The following HMGB1 variants were observed in gnomAD, a reference collection of about 807,000 sequenced individuals.
The protein encoded by HMGB1 is high mobility group protein B1.
For synonymous variants in HMGB1, 81 were observed against 84.0 expected (o/e 0.96, Z 0.19); for missense variants, 79 against 253.5 (o/e 0.31, Z 4.67).
chr13:30,472,485 C>A (rs1389105779), intron 1 of HMGB1, among the ~76,000 whole-genome samples: 2 of 152,144 alleles, frequency 1.3e-5, no homozygotes, highest in Non-Finnish European at 2.9e-5. Flanking sequence ...CCTGTACTCC[C>A]AGCTACTCCG....
intron 1 of HMGB1, among the ~76,000 whole-genome samples, chr13:30,475,131 TCTCTC>T (rs1887056249): frequency 1.5e-5 from 1 of 68,286 alleles, no homozygotes; most frequent in Non-Finnish European, 3.2e-5. Flanking sequence ...TCTCTCTCTC[TCTCTC>T]TCTTTTTTTT....
chr13:30,491,395 A>T (rs1887488342), intron 1 of HMGB1, among the ~76,000 whole-genome samples: 1 of 152,060 alleles, frequency 6.6e-6, no homozygotes, highest in Non-Finnish European at 1.5e-5. Context: ...AAAGAAACAA[A>T]CCTTGAGGCT....
chr13:30,594,114 G>A (rs1871492621), intron 1 of HMGB1, among the ~76,000 whole-genome samples: 3 of 152,130 alleles, frequency 2.0e-5, no homozygotes, highest in Non-Finnish European at 4.4e-5. Flanking sequence ...ATTTACATAC[G>A]TATCTACACA....
chr13:30,606,251 A>G (rs1950457357), intron 1 of HMGB1, among the ~76,000 whole-genome samples: 1 of 152,168 alleles, frequency 6.6e-6, no homozygotes, highest in Non-Finnish European at 1.5e-5. Flanking sequence ...ATAGTCTAAC[A>G]TTTCCCAATT....
At chr13:30,538,825 C>A (rs1204595742) in intron 1 of HMGB1, among the ~76,000 whole-genome samples, 1 of 135,096 alleles carries the variant, frequency 7.4e-6, no homozygotes, top group South Asian at 2.3e-4. Flanking sequence ...CCCTTTCTTT[C>A]TTTTTTCTTT....
intron 1 of HMGB1, among the ~76,000 whole-genome samples, chr13:30,504,436 T>C (rs1301110246): frequency 6.6e-6 from 1 of 152,230 alleles, no homozygotes; most frequent in East Asian, 1.9e-4. Flanking sequence ...TTTGGTTTTG[T>C]TTTGCTTTTT....
chr13:30,469,128 T>G (rs1026501877), upstream of HMGB1, among the ~76,000 whole-genome samples: 4 of 152,048 alleles, frequency 2.6e-5, no homozygotes, highest in Non-Finnish European at 4.4e-5. Flanking sequence ...TGACCTCAAG[T>G]GATCTGCCCG....
At chr13:30,536,496 C>A (rs1566018062) in intron 1 of HMGB1, among the ~76,000 whole-genome samples, 2 of 152,136 alleles carry the variant, frequency 1.3e-5, no homozygotes, top group South Asian at 4.1e-4. Context: ...ACTATAGGCA[C>A]ATGCCACCAC....
chr13:30,546,959 C>T (rs1471965855), intron 1 of HMGB1, among the ~76,000 whole-genome samples: 2 of 152,214 alleles, frequency 1.3e-5, no homozygotes, highest in Admixed American at 6.5e-5. Flanking sequence ...TACCACTGGT[C>T]CATGTGTCTC....
At chr13:30,558,393 T>G (rs954391303) in intron 1 of HMGB1, among the ~76,000 whole-genome samples, 1 of 152,234 alleles carries the variant, frequency 6.6e-6, no homozygotes, top group African/African-American at 2.4e-5. Flanking sequence ...TGTCTATATC[T>G]TACATCTCAT....
At chr13:30,616,808 T>C (rs1950569329) in exon 1 of HMGB1, 1 of 152,174 alleles carries the variant, frequency 6.6e-6, no homozygotes. Context: ...CACCACCCTA[T>C]CCAAATTGTC....
intron 1 of HMGB1, among the ~76,000 whole-genome samples, chr13:30,550,215 C>G (rs1869359704): frequency 6.6e-6 from 1 of 151,820 alleles, no homozygotes; most frequent in Non-Finnish European, 1.5e-5. Context: ...GCTATGACAT[C>G]CTTTTAGGAA....
chr13:30,579,917 G>C, intron 1 of HMGB1, among the ~76,000 whole-genome samples: 1 of 152,158 alleles, frequency 6.6e-6, no homozygotes, highest in Non-Finnish European at 1.5e-5. Flanking sequence ...TAAAATGAAT[G>C]AAGACTTATT....
intron 1 of HMGB1, among the ~76,000 whole-genome samples, chr13:30,512,833 C>T (rs999615591): frequency 3.3e-5 from 5 of 152,162 alleles, no homozygotes; most frequent in Admixed American, 2.0e-4. Context: ...GAGCCAGTCT[C>T]CTGCATCCTT....
At chr13:30,538,552 T>TC (rs1491577177) in intron 1 of HMGB1, among the ~76,000 whole-genome samples, 2,485 of 103,950 alleles carry the variant, frequency 0.024, 123 homozygotes, top group African/African-American at 0.066. Flanking sequence ...TTTCTTTCTT[T>TC]CTTTTTCTTT....
rs1566003999 is a variant in HMGB1, at chr13:30,490,185, T to A, written c.-14-26491A>T. On this transcript the variant is annotated intron_variant, in intron 1 of 4. Coordinates refer to the HMGB1 transcript ENST00000405805. ...GAAATAATAAATATGTTTAGTGTTGTCAAGAATCAGGTATCCCAAATACTT... is the reference window on the plus strand; with the variant it reads ...GAAATAATAAATATGTTTAGTGTTGACAAGAATCAGGTATCCCAAATACTT... Among the ~76,000 whole-genome samples, 3 of 152,160 alleles carry A rather than the reference T, an allele frequency of 2.0e-5. No homozygotes were observed. The South Asian group carries it at 6.2e-4, about 32-fold the overall frequency.
intron 1 of HMGB1, among the ~76,000 whole-genome samples, chr13:30,577,561 A>G (rs1219235140): frequency 6.6e-6 from 1 of 152,072 alleles, no homozygotes; most frequent in Non-Finnish European, 1.5e-5. Context: ...TCTCTTCCCT[A>G]GAGTCCAGCC....
intron 1 of HMGB1, among the ~76,000 whole-genome samples, chr13:30,579,956 A>C (rs1253887890): frequency 6.6e-6 from 1 of 152,234 alleles, no homozygotes; most frequent in African/African-American, 2.4e-5. Context: ...TGGTACAATA[A>C]TGAAGTCGCT....
intron 1 of HMGB1, among the ~76,000 whole-genome samples, chr13:30,530,523 G>A (rs551993371): frequency 8.5e-5 from 13 of 152,218 alleles, no homozygotes; most frequent in African/African-American, 3.1e-4. Flanking sequence ...TAGTTCCCCT[G>A]TAGGAATTTA....
Sources: gnomAD v4.1 joint callset for allele counts (sites outside exome capture counted in the v4.1 genomes callset) on GRCh38, gnomAD v4.1.1 for gene constraint, MANE v1.5 for transcripts, NCBI Gene and HGNC (gene_info 2026-07-23, HGNC 2026-07-21) for gene names.